Variants in TXNRD3 observed in about 807,000 individuals in gnomAD.
TXNRD3 encodes thioredoxin reductase 3.
Under a neutral mutation model 78.2 loss-of-function variants are expected in TXNRD3, and 68 were observed. That is an observed-to-expected ratio of 0.87 (90% CI 0.72 to 1.06). The LOEUF (loss-of-function observed/expected upper bound fraction) is 1.06. Among genes scored for constraint, TXNRD3 ranks in the 50% least tolerant of loss-of-function variants. The pLI is 0.00. For synonymous variants in TXNRD3, 296 were observed against 300.1 expected (o/e 0.99, Z 0.14); for missense variants, 751 against 809.5 (o/e 0.93, Z 0.88).
rs1340646092 is a variant in TXNRD3 at position 126,640,314 on chromosome 3, A to T, written c.712+1718T>A. Among the ~76,000 whole-genome samples the T allele has an allele frequency of 1.9e-3, 26 of 13,590 alleles. 10 individuals carry two copies. The highest frequency in any genetic ancestry group is 5.1e-3 in the Admixed American group (4 of 782). 8.9% of individuals were successfully genotyped at this position (13,590 alleles called of 152,430 possible). ...AGTAGAGACGGGGTTTCACCGTGTT[A>T]GCCAGGATGGTCTCGATCTCCTGAC... On this transcript the variant is annotated intron_variant, in intron 6 of 15. Transcript: ENST00000524230.
Position 126,655,020 on chromosome 3 carries a change from G to A in TXNRD3, c.-30C>T. 7.7e-7 allele frequency: 1 copy of A among 1,295,450 alleles called. No individual in the cohort carries two copies. Among genetic ancestry groups the A allele is most frequent in the Non-Finnish European group, 9.8e-7 (1 of 1,023,874 alleles). The allele number at this position is 1,295,450 out of a possible 1,614,324, so 80.2% of individuals were successfully genotyped here. On this transcript the variant is annotated 5_prime_UTR_variant, in exon 1 of 16. Transcript: ENST00000524230. ...TCGCTCTCGCTCCTGGCCCGGCCGGGCCTGCTCACAAACCGAAACGCAGGC... is the reference window on the plus strand; with the variant it reads ...TCGCTCTCGCTCCTGGCCCGGCCGGACCTGCTCACAAACCGAAACGCAGGC...
intron 1 of TXNRD3, among the ~76,000 whole-genome samples, chr3:126,649,008 C>T (rs887391628): frequency 6.6e-6 from 1 of 152,184 alleles, no homozygotes; most frequent in South Asian, 2.1e-4. Flanking sequence ...TAGCAAGATG[C>T]CATCTCTTAA....
intron 2 of TXNRD3, 81 bp from the exon 3 acceptor site, chr3:126,646,301 C>G (rs1393996443): frequency 8.5e-5 from 94 of 1,108,546 alleles, no homozygotes; most frequent in Non-Finnish European, 1.1e-4. Flanking sequence ...TTACAACACT[C>G]AAATGTTCAC....
At chr3:126,647,317 A>C (rs1933264283) in intron 1 of TXNRD3, 21 bp from the exon 2 acceptor site, 1 of 1,507,920 alleles carries the variant, frequency 6.6e-7, no homozygotes, top group Non-Finnish European at 8.9e-7. Flanking sequence ...AATTTAGCTA[A>C]GTTTCACTCT....
intron 12 of TXNRD3, among the ~76,000 whole-genome samples, chr3:126,616,977 T>C (rs1378783566): frequency 6.6e-6 from 1 of 152,224 alleles, no homozygotes; most frequent in Non-Finnish European, 1.5e-5. Flanking sequence ...ATTTTCTGAC[T>C]TCTCTGAGGC....
At chr3:126,609,412 G>A (rs1938141364) in intron 14 of TXNRD3, among the ~76,000 whole-genome samples, 1 of 152,176 alleles carries the variant, frequency 6.6e-6, no homozygotes, top group Non-Finnish European at 1.5e-5. Flanking sequence ...GCAGGCAGAA[G>A]CTGCCAGGGC....
intron 12 of TXNRD3, among the ~76,000 whole-genome samples, chr3:126,619,546 A>G (rs1030816142): frequency 2.6e-5 from 4 of 152,188 alleles, no homozygotes; most frequent in African/African-American, 9.7e-5. Flanking sequence ...TGTGGTTATT[A>G]GAGGCTGGGA....
At chr3:126,610,468 G>A (rs942707855) in intron 14 of TXNRD3, among the ~76,000 whole-genome samples, 1 of 152,202 alleles carries the variant, frequency 6.6e-6, no homozygotes, top group African/African-American at 2.4e-5. Context: ...TCATAACTGG[G>A]AGGAGGAAAG....
intron 14 of TXNRD3, among the ~76,000 whole-genome samples, chr3:126,609,649 C>G (rs1488866279): frequency 1.3e-5 from 2 of 152,200 alleles, no homozygotes; most frequent in African/African-American, 4.8e-5. Context: ...AAGGGGCATG[C>G]TCCCCATAGT....
chr3:126,621,703 T>C, intron 12 of TXNRD3, 39 bp downstream of exon 12: 1 of 1,419,724 alleles, frequency 7.0e-7, no homozygotes, highest in Non-Finnish European at 9.2e-7. Context: ...AATCATGATC[T>C]TGATCAGGAC....
At position 126,655,064 on chromosome 3, in the gene TXNRD3, G is replaced by C. The variant is rs1446059096; in HGVS notation, c.-74C>G. The C allele has an allele frequency of 2.3e-6, 3 of 1,294,702 alleles. No individual in the cohort carries two copies. Among genetic ancestry groups the C allele is most frequent in the Non-Finnish European group, 2.9e-6 (3 of 1,022,680 alleles). The allele number at this position is 1,294,702 out of a possible 1,614,324, so 80.2% of individuals were successfully genotyped here. ...CGCAGGCGGCTGCGGCGCCGGGACG[G>C]GGCCTGAGGGGCGGCGAACGCTGCC... On this transcript the variant is annotated 5_prime_UTR_variant, in exon 1 of 16. Coordinates refer to ENST00000524230, the MANE Select transcript of TXNRD3 (RefSeq NM_052883.3).
At chr3:126,630,972 C>T (rs924054471) in intron 8 of TXNRD3, 35 bp from the exon 9 acceptor site, 4 of 1,515,114 alleles carry the variant, frequency 2.6e-6, no homozygotes, top group Admixed American at 4.0e-5. Context: ...AATACCTAGG[C>T]AGCAAGAATG....
chr3:126,648,675 G>A (rs1007359549), intron 1 of TXNRD3, among the ~76,000 whole-genome samples: 11 of 152,162 alleles, frequency 7.2e-5, no homozygotes, highest in African/African-American at 2.7e-4. Context: ...CTTACCTAAC[G>A]CCATGTATGG....
chr3:126,642,005 A>T lies in TXNRD3; in HGVS notation c.712+27T>A, dbSNP rs545708217. ...AAAACTCATTTTTTCTTTTCTCTCA[A>T]TCTATACTTTATGAACCATTACTCA... On this transcript the variant is annotated intron_variant, in intron 6 of 15. Coordinates refer to ENST00000524230, the MANE Select transcript of TXNRD3 (RefSeq NM_052883.3). 665 of 1,506,172 alleles carry T rather than the reference A, an allele frequency of 4.4e-4. 1 individual carries two copies. The African/African-American group carries it at 7.2e-3, about 16-fold the overall frequency. The allele number at this position is 1,506,172 out of a possible 1,614,324, so 93.3% of individuals were successfully genotyped here.
Position 126,607,558 on chromosome 3 carries a change from C to T in TXNRD3, c.*347G>A, listed in dbSNP as rs113449510. The T allele has an allele frequency of 7.2e-5, 14 of 193,266 alleles. No individual in the cohort carries two copies. Among genetic ancestry groups the T allele is most frequent in the Non-Finnish European group, 1.2e-4 (11 of 95,360 alleles). 12.0% of individuals were successfully genotyped at this position (193,266 alleles called of 1,614,324 possible). ...AAAGCAAAGGGGATAAAAACAATAG[C>T]GACCAGAAAAGCTAACTTAGGTGAA... On this transcript the variant is annotated 3_prime_UTR_variant, in exon 16 of 16. Transcript: ENST00000524230.
In TXNRD3 at chr3:126,621,771, G is replaced by A. The variant is rs1938461778; in HGVS notation, c.1495C>T (p.Gln499Ter). 1 of 1,524,990 alleles carries A rather than the reference G, an allele frequency of 6.6e-7. No individual in the cohort carries two copies. Among genetic ancestry groups the A allele is most frequent in the Non-Finnish European group, 8.7e-7 (1 of 1,143,968 alleles). The allele number at this position is 1,524,990 out of a possible 1,614,324, so 94.5% of individuals were successfully genotyped here. A position where few individuals can be genotyped will look rare whatever the true frequency, so the allele number is the denominator to read the frequency against. The change falls in exon 12 of 16, where the codon CAG (glutamine) becomes TAG (stop). Residue 499 changes from glutamine to a stop codon, truncating the protein, a stop_gained. Coordinates refer to ENST00000524230, the MANE Select transcript of TXNRD3 (RefSeq NM_052883.3). LOFTEE classifies it high-confidence loss of function. ...TCTAAAGAGGCCCCAAAAAGTCTCT[G>A]AGCTAGCAGCTTGCCTGACTGTATG...
intron 1 of TXNRD3, among the ~76,000 whole-genome samples, chr3:126,648,477 C>T (rs190022128): frequency 7.2e-5 from 11 of 152,170 alleles, no homozygotes; most frequent in African/African-American, 2.2e-4. Flanking sequence ...AAAACAGTGC[C>T]GTACTGGCAT....
At chr3:126,634,073 G>A in intron 6 of TXNRD3, 22 bp from the exon 7 acceptor site, 1 of 1,468,946 alleles carries the variant, frequency 6.8e-7, no homozygotes, top group Non-Finnish European at 9.0e-7. Context: ...TAATCAGGGT[G>A]AAGATGTTAG....
At chr3:126,652,952 G>A (rs1226813243) in intron 1 of TXNRD3, among the ~76,000 whole-genome samples, 1 of 152,174 alleles carries the variant, frequency 6.6e-6, no homozygotes, top group Non-Finnish European at 1.5e-5. Flanking sequence ...CTGCCCAGTG[G>A]CACGAGGTGC....
Sources: allele counts gnomAD v4.1 joint callset (sites outside exome capture counted in the v4.1 genomes callset), GRCh38; gene constraint gnomAD v4.1.1; transcripts MANE v1.5; gene names NCBI Gene and HGNC (gene_info 2026-07-23, HGNC 2026-07-21).